The following ENTPD1 variants were observed in gnomAD, a reference collection of about 807,000 sequenced individuals.
ENTPD1 encodes ATP diphosphohydrolase.
A neutral mutation model predicts 57.0 loss-of-function variants in ENTPD1; 33 were observed. The ratio of observed to expected loss-of-function variants is 0.58; its 90% CI spans 0.44 to 0.77. The LOEUF is 0.77. ENTPD1 is among the 30% of genes least tolerant of loss of function. ENTPD1 has a pLI of 0.00. For missense variants in ENTPD1, 501 were observed against 603.4 expected (o/e 0.83, Z 1.78); for synonymous variants, 202 against 218.8 (o/e 0.92, Z 0.68).
chr10:95,772,066 A>T (rs567494980), intron 1 of ENTPD1, among the ~76,000 whole-genome samples: 5 of 152,186 alleles, frequency 3.3e-5, no homozygotes, highest in South Asian at 2.1e-4. Context: ...CATTATGTTT[A>T]AAAAAATGCA....
At chr10:95,753,570 A>G (rs968144369), upstream of ENTPD1, 4 of 152,248 alleles carry the variant, frequency 2.6e-5, no homozygotes, top group African/African-American at 9.6e-5. Flanking sequence ...TACTAGAACA[A>G]TTTACTTTTT....
At chr10:95,839,472 G>A in intron 2 of ENTPD1, 1 of 589,656 alleles carries the variant, frequency 1.7e-6, no homozygotes, top group Non-Finnish European at 3.1e-6. Context: ...CATAAGGTCT[G>A]AATATTTCTA....
chr10:95,745,682 T>C (rs906632392), intron 1 of ENTPD1, among the ~76,000 whole-genome samples: 2 of 152,238 alleles, frequency 1.3e-5, no homozygotes, highest in Non-Finnish European at 2.9e-5. Context: ...AGGTAATGCC[T>C]ACACAGCACT....
chr10:95,778,391 G>A (rs1409844845), intron 1 of ENTPD1, among the ~76,000 whole-genome samples: 1 of 152,170 alleles, frequency 6.6e-6, no homozygotes, highest in African/African-American at 2.4e-5. Flanking sequence ...AGTGTCAATG[G>A]CTAAAAGATA....
chr10:95,858,852 G>C (rs997724773), intron 7 of ENTPD1, among the ~76,000 whole-genome samples: 18 of 152,230 alleles, frequency 1.2e-4, no homozygotes, highest in African/African-American at 4.3e-4. Flanking sequence ...CTACACCGTA[G>C]ACTCTTATGT....
At chr10:95,786,720 A>G (rs918932777) in intron 1 of ENTPD1, among the ~76,000 whole-genome samples, 1 of 152,192 alleles carries the variant, frequency 6.6e-6, no homozygotes, top group Admixed American at 6.5e-5. Context: ...TGCCATGGGA[A>G]AAAGATGAAA....
In ENTPD1 at chr10:95,773,244, C is replaced by T. The variant is rs180859491; in HGVS notation, c.16+16989C>T. Among the ~76,000 whole-genome samples the T allele has an allele frequency of 1.6e-3, 249 of 152,276 alleles. 2 individuals carry two copies. The highest frequency in any genetic ancestry group is 5.7e-3 in the African/African-American group (235 of 41,562). Reference sequence around the variant, plus strand: ...ACCTCTAACACTGGGGATAAAATTTCAGTATGAGGCTTGGAGGAGACAAAT... The same window carrying T: ...ACCTCTAACACTGGGGATAAAATTTTAGTATGAGGCTTGGAGGAGACAAAT... On this transcript the variant is annotated intron_variant, in intron 1 of 9. Transcript: ENST00000371205.
Position 95,788,916 on chromosome 10 carries a change from T to G in ENTPD1, c.16+32661T>G, listed in dbSNP as rs1368409350. ...GGATGCAAGTAATTGAGAAGAATGG[T>G]TAGAAGCTAGGAGAATTCTTTTAAA... is the stretch of plus-strand genomic sequence containing the variant. On this transcript the variant is annotated intron_variant, in intron 1 of 9. Transcript: ENST00000371205. 2.6e-5 allele frequency among the ~76,000 whole-genome samples: 4 copies of G among 152,212 alleles called. No individual in the cohort carries two copies. In the East Asian group the frequency reaches 5.8e-4, roughly 22 times the overall value.
chr10:95,876,000 A>G lies in ENTPD1; in HGVS notation c.*9617A>G. 1.0e-6 allele frequency: 1 copy of G among 985,462 alleles called. No individual in the cohort carries two copies. Among genetic ancestry groups the G allele is most frequent in the Non-Finnish European group, 1.2e-6 (1 of 829,942 alleles). The allele number at this position is 985,462 out of a possible 1,614,324, so 61.0% of individuals were successfully genotyped here. ...GTACTTTAACCAGCTGAATGGAAGT[A>G]CAATCTCTTGCTATATGACACAATA... On this transcript the variant is annotated 3_prime_UTR_variant, in exon 10 of 10. Coordinates refer to ENST00000371205, the MANE Select transcript of ENTPD1 (RefSeq NM_001776.6).
chr10:95,698,289 T>C, the ENTPD1 span, among the ~76,000 whole-genome samples: 1 of 152,142 alleles, frequency 6.6e-6, no homozygotes, highest in African/African-American at 2.4e-5. Flanking sequence ...AAGCCAAATA[T>C]AGAAGGAGCT....
intron 1 of ENTPD1, among the ~76,000 whole-genome samples, chr10:95,794,980 C>A (rs1406424097): frequency 6.6e-6 from 1 of 152,120 alleles, no homozygotes; most frequent in East Asian, 1.9e-4. Flanking sequence ...GGATTGTGTT[C>A]TTTCTTGTAA....
upstream of ENTPD1, among the ~76,000 whole-genome samples, chr10:95,709,755 GTTGTTTGTTTGT>G (rs10670966): frequency 2.0e-5 from 3 of 150,930 alleles, no homozygotes; most frequent in South Asian, 2.1e-4. Flanking sequence ...GTTTTTTGTT[GTTGTTTGTTTGT>G]TTGTTTGTTT....
intron 2 of ENTPD1, 119 bp from the exon 3 acceptor site, chr10:95,839,572 A>G (rs888335209): frequency 3.0e-6 from 3 of 999,746 alleles, no homozygotes; most frequent in South Asian, 2.6e-5. Context: ...CATCCCCTCA[A>G]TGTTCCTCTC....
intron 1 of ENTPD1, among the ~76,000 whole-genome samples, chr10:95,760,814 C>CTTTTTTTT (rs71034350): frequency 0.011 from 698 of 62,944 alleles, 151 homozygotes; most frequent in African/African-American, 0.018. Flanking sequence ...AGAGTTTATT[C>CTTTTTTTT]TTTTTTTTTT....
At chr10:95,715,559 T>A (rs2097970641) in intron 1 of ENTPD1, among the ~76,000 whole-genome samples, 1 of 152,178 alleles carries the variant, frequency 6.6e-6, no homozygotes, top group Non-Finnish European at 1.5e-5. Context: ...TAGTTATTGG[T>A]ATGTTTGGAT....
At chr10:95,847,244 T>C (rs1455478154) in intron 6 of ENTPD1, 4 of 637,710 alleles carry the variant, frequency 6.3e-6, no homozygotes, top group Non-Finnish European at 1.1e-5. Flanking sequence ...AATACATTTA[T>C]ATCTGATACC....
Position 95,876,752 on chromosome 10 carries a change from C to T in ENTPD1, c.*10369C>T. The T allele has an allele frequency of 1.3e-6, 1 of 744,866 alleles. No homozygotes were observed. The highest frequency in any genetic ancestry group is 1.8e-6 in the Non-Finnish European group (1 of 569,478). The allele number at this position is 744,866 out of a possible 1,614,324, so 46.1% of individuals were successfully genotyped here. A position where few individuals can be genotyped will look rare whatever the true frequency, so the allele number is the denominator to read the frequency against. ...AAAATATAATACACATCCATGTGCC[C>T]ATCACAGAACTTCACTGATTATCAT... is the stretch of plus-strand genomic sequence containing the variant. On this transcript the variant is annotated 3_prime_UTR_variant, in exon 10 of 10. Coordinates refer to ENST00000371205, the MANE Select transcript of ENTPD1 (RefSeq NM_001776.6).
chr10:95,739,026 A>C (rs575821513), intron 1 of ENTPD1, among the ~76,000 whole-genome samples: 1 of 152,346 alleles, frequency 6.6e-6, no homozygotes, highest in Admixed American at 6.5e-5. Flanking sequence ...ATTATACATT[A>C]TATTATAGTC....
At chr10:95,765,335 T>TA (rs1279384686) in intron 1 of ENTPD1, among the ~76,000 whole-genome samples, 1 of 152,194 alleles carries the variant, frequency 6.6e-6, no homozygotes, top group East Asian at 1.9e-4. Context: ...TGCATTTAGG[T>TA]TTTTAATCCA....
Sources: allele counts gnomAD v4.1 joint callset (sites outside exome capture counted in the v4.1 genomes callset), GRCh38; gene constraint gnomAD v4.1.1; transcripts MANE v1.5; gene names NCBI Gene and HGNC (gene_info 2026-07-23, HGNC 2026-07-21).